PCDHGA4: variants seen among roughly 807,000 people sequenced by gnomAD.
PCDHGA4 encodes the protein protocadherin gamma subfamily A, 4.
PCDHGA4 carries 38 observed loss-of-function variants against 54.6 expected under a neutral mutation model. The observed-to-expected ratio is 0.70, with a 90% CI of 0.54 to 0.91. The LOEUF (loss-of-function observed/expected upper bound fraction) is 0.91, where lower values mean the gene tolerates loss of function less well. PCDHGA4 is among the 40% of genes least tolerant of loss of function. The pLI is 0.00. For synonymous variants in PCDHGA4, 511 were observed against 512.9 expected (o/e 1.00, Z 0.05); for missense variants, 1,298 against 1,220.9 (o/e 1.06, Z -0.94).
chr5:141,384,600 C>T, intron 1 of PCDHGA4: 1 of 1,614,248 alleles, frequency 6.2e-7, no homozygotes, highest in Non-Finnish European at 8.5e-7. Flanking sequence ...ACCCGGCCCT[C>T]CCCACAGATG....
Position 141,372,197 on chromosome 5 carries a change from C to T in PCDHGA4, c.2514+14576C>T, listed in dbSNP as rs57763341. 308 of 1,613,590 alleles carry T rather than the reference C, an allele frequency of 1.9e-4. No individual in the cohort carries two copies. The East Asian group carries it at 3.9e-3, about 20-fold the overall frequency. On this transcript the variant is annotated intron_variant, in intron 1 of 3. Transcript: ENST00000571252. ...CGGTGGACGCAGACTCGGGATACAA[C>T]GCCTGGCTGTCCTACCACATTGTGC... is the stretch of plus-strand genomic sequence containing the variant.
chr5:141,377,812 C>T (rs535022477), intron 1 of PCDHGA4: 1 of 152,244 alleles, frequency 6.6e-6, no homozygotes, highest in Admixed American at 6.5e-5. Flanking sequence ...CTGTTATTTA[C>T]TTGGGCCAGT....
intron 1 of PCDHGA4, chr5:141,366,660 A>G: frequency 1.2e-6 from 2 of 1,614,254 alleles, no homozygotes; most frequent in Non-Finnish European, 1.7e-6. Context: ...AACTACGCAG[A>G]CACGCTCCTT....
intron 1 of PCDHGA4, chr5:141,389,390 C>G: frequency 2.5e-6 from 4 of 1,613,718 alleles, no homozygotes; most frequent in Non-Finnish European, 3.4e-6. Context: ...TGTCATCCTA[C>G]GTGTCCATAA....
rs775190688 is a variant in PCDHGA4 at position 141,356,684 on chromosome 5, C to A, written c.1577C>A (p.Thr526Asn). The change falls in exon 1 of 4, where the codon ACC becomes AAC. Residue 526 changes from threonine to asparagine, a missense_variant. Physicochemically the swap from Thr to Asn is moderately conservative, Grantham distance 65. Coordinates refer to ENST00000571252, the MANE Select transcript of PCDHGA4 (RefSeq NM_018917.4). ...ARITYSLAED[T>N]FQGAPLSSYV... ...ATCACTTACTCCCTGGCCGAAGACA[C>A]CTTCCAGGGTGCACCTCTGTCCTCC... is the stretch of plus-strand genomic sequence containing the variant. 5.6e-6 allele frequency: 9 copies of A among 1,613,874 alleles called. No homozygotes were observed. The highest frequency in any genetic ancestry group is 7.6e-6 in the Non-Finnish European group (9 of 1,179,860).
intron 1 of PCDHGA4, chr5:141,394,736 C>A: frequency 6.2e-7 from 1 of 1,613,456 alleles, no homozygotes; most frequent in Non-Finnish European, 8.5e-7. Flanking sequence ...TCAAGCAGAG[C>A]CTCGTGGTGG....
chr5:141,403,339 C>A, intron 1 of PCDHGA4: 2 of 1,614,010 alleles, frequency 1.2e-6, no homozygotes, highest in Non-Finnish European at 1.7e-6. Flanking sequence ...TTAACGACAG[C>A]GCCCCAAAGT....
chr5:141,371,753 C>G, intron 1 of PCDHGA4: 1 of 1,614,050 alleles, frequency 6.2e-7, no homozygotes, highest in Non-Finnish European at 8.5e-7. Context: ...CCGTTTTCCA[C>G]CAGGCCTCCT....
At chr5:141,417,517 T>C (rs2096127273) in intron 1 of PCDHGA4, 1 of 255,788 alleles carries the variant, frequency 3.9e-6, no homozygotes, top group East Asian at 7.9e-5. Flanking sequence ...ATATTTTGGC[T>C]GTCAACTCGT....
rs199965876 is a variant in PCDHGA4, at chr5:141,419,464, C to G, written c.2514+61843C>G. ...CCTTCGAGCTCACGCTGCAGGCCCG[C>G]GACCAGGGCTCGCCCGCGCTCAGCG... On this transcript the variant is annotated intron_variant, in intron 1 of 3. Transcript: ENST00000571252. 4 of 1,612,542 alleles carry G rather than the reference C, an allele frequency of 2.5e-6. No homozygotes were observed. In the Admixed American group the frequency reaches 6.7e-5, roughly 27 times the overall value.
chr5:141,358,797 C>A (rs1198975953), intron 1 of PCDHGA4, among the ~76,000 whole-genome samples: 2 of 152,182 alleles, frequency 1.3e-5, no homozygotes, highest in Admixed American at 6.5e-5. Context: ...GGGTTCTGGA[C>A]TGATATGATT....
At chr5:141,400,014 C>T (rs2093941558) in intron 1 of PCDHGA4, 1 of 1,612,662 alleles carries the variant, frequency 6.2e-7, no homozygotes, top group Non-Finnish European at 8.5e-7. Flanking sequence ...GTGCCTTGGG[C>T]GACAGGGACG....
intron 1 of PCDHGA4, chr5:141,370,305 G>A: frequency 2.5e-6 from 3 of 1,206,280 alleles, no homozygotes; most frequent in South Asian, 3.3e-5. Context: ...CAAAGACAAA[G>A]CAAATAGTTG....
intron 2 of PCDHGA4, among the ~76,000 whole-genome samples, chr5:141,497,016 C>G (rs1384415729): frequency 6.6e-6 from 1 of 152,056 alleles, no homozygotes; most frequent in East Asian, 1.9e-4. Context: ...TGGTGAAACC[C>G]CATCTCGATT....
intron 1 of PCDHGA4, chr5:141,412,489 T>C (rs1292155082): frequency 6.6e-6 from 1 of 152,176 alleles, no homozygotes; most frequent in East Asian, 1.9e-4. Context: ...TCTTACACAA[T>C]CCTAAGCTAA....
intron 1 of PCDHGA4, chr5:141,412,995 T>G: frequency 1.7e-6 from 1 of 572,718 alleles, no homozygotes. Flanking sequence ...TCAATCCGGA[T>G]TCTCAGGGCT....
chr5:141,505,252 C>T (rs2099844831), intron 2 of PCDHGA4, 141 bp from the exon 3 acceptor site: 1 of 1,454,140 alleles, frequency 6.9e-7, no homozygotes, highest in Non-Finnish European at 9.2e-7. Context: ...TGTAGAAGTG[C>T]CTCCTACCTT....
intron 3 of PCDHGA4, among the ~76,000 whole-genome samples, chr5:141,507,760 T>G (rs2099863136): frequency 6.6e-6 from 1 of 152,202 alleles, no homozygotes; most frequent in Non-Finnish European, 1.5e-5. Context: ...GCCTCCCACC[T>G]TTGGCCCACA....
chr5:141,363,615 G>T (rs973220215), intron 1 of PCDHGA4, among the ~76,000 whole-genome samples: 10 of 152,342 alleles, frequency 6.6e-5, no homozygotes, highest in Admixed American at 3.9e-4. Context: ...TGAGATAGTG[G>T]AGAGACTTTC....
Sources: allele counts gnomAD v4.1 joint callset (sites outside exome capture counted in the v4.1 genomes callset), GRCh38; gene constraint gnomAD v4.1.1; transcripts MANE v1.5; gene names NCBI Gene and HGNC (gene_info 2026-07-23, HGNC 2026-07-21).